PTPRD: variants seen among roughly 807,000 people sequenced by gnomAD.
PTPRD encodes receptor-type tyrosine-protein phosphatase delta.
A neutral mutation model predicts 214.5 loss-of-function variants in PTPRD; 34 were observed. The observed-to-expected ratio is 0.16, with a 90% CI of 0.12 to 0.21. PTPRD has a LOEUF of 0.21. Among genes scored for constraint, PTPRD ranks in the 10% least tolerant of loss-of-function variants. The probability of loss-of-function intolerance (pLI) is 1.00; values close to 1 mark genes in which losing one functional copy is unlikely to be tolerated. For missense variants in PTPRD, 2,545 were observed against 2,398.7 expected (o/e 1.06, Z -1.27); for synonymous variants, 1,128 against 845.7 (o/e 1.33, Z -5.79).
intron 3 of PTPRD, among the ~76,000 whole-genome samples, chr9:10,097,696 T>G (rs56088512): frequency 0.037 from 5,579 of 151,888 alleles, 174 homozygotes; most frequent in Admixed American, 0.091. Context: ...AGGGACAATT[T>G]GACTTCCTCT....
At chr9:9,731,209 T>G (rs2098185163) in intron 7 of PTPRD, among the ~76,000 whole-genome samples, 1 of 152,180 alleles carries the variant, frequency 6.6e-6, no homozygotes, top group South Asian at 2.1e-4. Flanking sequence ...AATTATATCA[T>G]AATTTAATGG....
chr9:9,990,325 T>G (rs908689460), intron 4 of PTPRD, among the ~76,000 whole-genome samples: 2 of 152,220 alleles, frequency 1.3e-5, no homozygotes, highest in Non-Finnish European at 2.9e-5. Context: ...ACTACTGAAA[T>G]GTAACTAAGT....
chr9:9,881,859 C>G (rs548319832), intron 5 of PTPRD, among the ~76,000 whole-genome samples: 8 of 152,176 alleles, frequency 5.3e-5, no homozygotes, highest in South Asian at 4.1e-4. Context: ...CCTCTTATAC[C>G]TCTACATTTA....
chr9:8,465,325 G>C (rs1161923368), intron 32 of PTPRD, 141 bp downstream of exon 32: 2 of 719,236 alleles, frequency 2.8e-6, no homozygotes, highest in Non-Finnish European at 4.6e-6. Flanking sequence ...TGTTCAAAGA[G>C]TAGGCAGCCT....
At chr9:9,183,154 C>G (rs555728324) in intron 10 of PTPRD, 150 bp downstream of exon 10, 1 of 152,062 alleles carries the variant, frequency 6.6e-6, no homozygotes, top group South Asian at 2.1e-4. Context: ...AAGAATAACT[C>G]AATATTAGGT....
intron 2 of PTPRD, among the ~76,000 whole-genome samples, chr9:10,345,333 G>C (rs1453444903): frequency 6.6e-6 from 1 of 151,660 alleles, no homozygotes; most frequent in African/African-American, 2.4e-5. Context: ...TTGTTACATA[G>C]GTATACACAT....
chr9:9,875,251 G>C (rs1450699445), intron 5 of PTPRD, among the ~76,000 whole-genome samples: 1 of 151,984 alleles, frequency 6.6e-6, no homozygotes, highest in African/African-American at 2.4e-5. Flanking sequence ...TTATTTTACA[G>C]AGAAGCAAAA....
At chr9:8,614,753 T>C (rs2095556093) in intron 14 of PTPRD, among the ~76,000 whole-genome samples, 1 of 152,004 alleles carries the variant, frequency 6.6e-6, no homozygotes, top group Non-Finnish European at 1.5e-5. Context: ...CAAGACAAAA[T>C]GACAGACATC....
chr9:10,418,178 G>T (rs1051630559), intron 2 of PTPRD, among the ~76,000 whole-genome samples: 1 of 151,660 alleles, frequency 6.6e-6, no homozygotes, highest in Non-Finnish European at 1.5e-5. Flanking sequence ...ATAAACCTTT[G>T]AATTTCTTCA....
At chr9:10,418,319 G>A (rs558410873) in intron 2 of PTPRD, among the ~76,000 whole-genome samples, 14 of 151,580 alleles carry the variant, frequency 9.2e-5, no homozygotes, top group South Asian at 4.2e-4. Context: ...TGTACACTTC[G>A]CCCTTGGTTA....
chr9:9,154,610 G>A (rs796311229), intron 10 of PTPRD, among the ~76,000 whole-genome samples: 7 of 152,138 alleles, frequency 4.6e-5, no homozygotes, highest in Admixed American at 1.3e-4. Context: ...ATTTTAATGG[G>A]ACCAAAACTT....
chr9:8,608,143 T>C (rs1226735792), intron 14 of PTPRD, among the ~76,000 whole-genome samples: 1 of 152,040 alleles, frequency 6.6e-6, no homozygotes, highest in Non-Finnish European at 1.5e-5. Context: ...AATCTAGACT[T>C]CTGTATAGGA....
intron 14 of PTPRD, among the ~76,000 whole-genome samples, chr9:8,584,086 C>T (rs749280677): frequency 1.3e-4 from 20 of 152,002 alleles, no homozygotes; most frequent in Non-Finnish European, 1.3e-4. Context: ...CCTGGTAGTT[C>T]GAGGCTGTAG....
At chr9:9,090,451 A>G (rs2099773919) in intron 10 of PTPRD, among the ~76,000 whole-genome samples, 1 of 152,168 alleles carries the variant, frequency 6.6e-6, no homozygotes, top group Non-Finnish European at 1.5e-5. Context: ...TGTGTCTTTA[A>G]TCAGAACATC....
intron 21 of PTPRD, among the ~76,000 whole-genome samples, chr9:8,516,375 G>A (rs892874905): frequency 8.5e-5 from 13 of 152,090 alleles, no homozygotes; most frequent in Non-Finnish European, 1.5e-4. Flanking sequence ...TTCCTACAAT[G>A]TCATAGAGAA....
intron 2 of PTPRD, among the ~76,000 whole-genome samples, chr9:10,514,130 T>C (rs1033620480): frequency 1.3e-5 from 2 of 152,134 alleles, no homozygotes; most frequent in African/African-American, 4.8e-5. Flanking sequence ...AAGGTCAGTT[T>C]ATAACTTGGA....
At chr9:10,343,245 G>C (rs924356489) in intron 2 of PTPRD, among the ~76,000 whole-genome samples, 2 of 151,856 alleles carry the variant, frequency 1.3e-5, no homozygotes, top group African/African-American at 4.8e-5. Context: ...TTCTGTTCCT[G>C]TGTTAGTTTG....
chr9:9,561,171 T>G (rs1336303486), intron 8 of PTPRD, among the ~76,000 whole-genome samples: 1 of 152,294 alleles, frequency 6.6e-6, no homozygotes, highest in South Asian at 2.1e-4. Flanking sequence ...AGCGGAGTTA[T>G]ACGCCTGCGC....
At chr9:9,405,892 T>C (rs2141622669) in intron 8 of PTPRD, among the ~76,000 whole-genome samples, 1 of 152,138 alleles carries the variant, frequency 6.6e-6, no homozygotes, top group Non-Finnish European at 1.5e-5. Flanking sequence ...AATTTGTAAT[T>C]TGCTTAAACA....
Sources: gnomAD v4.1 joint callset for allele counts (sites outside exome capture counted in the v4.1 genomes callset) on GRCh38, gnomAD v4.1.1 for gene constraint, MANE v1.5 for transcripts, NCBI Gene and HGNC (gene_info 2026-07-23, HGNC 2026-07-21) for gene names.